OPCML: variants seen among roughly 807,000 people sequenced by gnomAD.
The protein encoded by OPCML is opioid-binding protein/cell adhesion molecule.
In OPCML, 13 loss-of-function variants were observed where a neutral mutation model predicts 37.8. That is an observed-to-expected ratio of 0.34 (90% CI 0.22 to 0.55). OPCML has a LOEUF of 0.55. Ranked by LOEUF, OPCML falls within the 20% of genes least tolerant of loss-of-function variation. The pLI is 0.91. For synonymous variants in OPCML, 176 were observed against 168.8 expected (o/e 1.04, Z -0.33); for missense variants, 341 against 435.6 (o/e 0.78, Z 1.93).
At chr11:132,968,434 C>T (rs975112680) in intron 1 of OPCML, among the ~76,000 whole-genome samples, 1 of 152,196 alleles carries the variant, frequency 6.6e-6, no homozygotes, top group African/African-American at 2.4e-5. Context: ...CCTGAGCATG[C>T]TCGCTTGGAT....
chr11:133,492,251 G>A lies in OPCML; in HGVS notation c.61+40013C>T, dbSNP rs191180867. Among the ~76,000 whole-genome samples, 711 of 152,286 alleles carry A rather than the reference G, an allele frequency of 4.7e-3. 5 individuals are homozygous for A. The highest frequency in any genetic ancestry group is 0.016 in the African/African-American group (661 of 41,560). Reference sequence around the variant, plus strand: ...CTAGGAATCAACCTGCCTCCCCACCGCACTGGGTCCTGCTTCTCTGGGAGA... The same window carrying A: ...CTAGGAATCAACCTGCCTCCCCACCACACTGGGTCCTGCTTCTCTGGGAGA... On this transcript the variant is annotated intron_variant, in intron 1 of 7. Coordinates refer to ENST00000524381, the MANE Select transcript of OPCML (RefSeq NM_001012393.5).
chr11:132,761,551 TAA>T (rs1946268087), intron 2 of OPCML, among the ~76,000 whole-genome samples: 1 of 152,134 alleles, frequency 6.6e-6, no homozygotes, highest in Non-Finnish European at 1.5e-5. Context: ...TTTATTTCAT[TAA>T]GTTGATCTTT....
intron 2 of OPCML, among the ~76,000 whole-genome samples, chr11:132,857,471 T>C (rs1565914931): frequency 6.6e-6 from 1 of 152,216 alleles, no homozygotes; most frequent in Non-Finnish European, 1.5e-5. Flanking sequence ...GTATCACTTG[T>C]TGAGTTTTGG....
chr11:132,633,753 G>C (rs1382701982), intron 3 of OPCML, among the ~76,000 whole-genome samples: 1 of 152,192 alleles, frequency 6.6e-6, no homozygotes. Context: ...AGGAGGGAAA[G>C]TAAGGGAGGG....
At chr11:132,463,256 A>G (rs1409562991) in intron 4 of OPCML, among the ~76,000 whole-genome samples, 1 of 152,202 alleles carries the variant, frequency 6.6e-6, no homozygotes, top group Non-Finnish European at 1.5e-5. Flanking sequence ...ACACTATCAC[A>G]TACTCACTGA....
intron 2 of OPCML, among the ~76,000 whole-genome samples, chr11:132,717,447 C>T (rs566828405): frequency 3.3e-5 from 5 of 151,982 alleles, no homozygotes; most frequent in African/African-American, 7.2e-5. Flanking sequence ...AAACAAGATA[C>T]GAAATAGTAT....
intron 1 of OPCML, among the ~76,000 whole-genome samples, chr11:133,027,781 T>G (rs370567000): frequency 1.0e-4 from 1 of 9,854 alleles, no homozygotes; most frequent in Non-Finnish European, 2.2e-4. Flanking sequence ...TGTGTGTATG[T>G]AGTATGTGGT....
At chr11:133,410,634 TAAAA>T (rs71038527) in intron 1 of OPCML, among the ~76,000 whole-genome samples, 18 of 47,000 alleles carry the variant, frequency 3.8e-4, no homozygotes, top group African/African-American at 1.0e-3. Context: ...AGAAAAAAAG[TAAAA>T]AAAAAAAAAA....
At chr11:133,050,338 C>G (rs1294892869) in intron 1 of OPCML, among the ~76,000 whole-genome samples, 1 of 152,116 alleles carries the variant, frequency 6.6e-6, no homozygotes, top group African/African-American at 2.4e-5. Context: ...CTGCTTGAAC[C>G]CTGGCAGAGA....
intron 2 of OPCML, among the ~76,000 whole-genome samples, chr11:132,706,657 C>T (rs1319248783): frequency 1.3e-5 from 2 of 152,248 alleles, no homozygotes; most frequent in South Asian, 2.1e-4. Flanking sequence ...CCCCCTACTA[C>T]ACCACGCCCC....
chr11:132,704,134 T>C (rs1273036192), intron 2 of OPCML, among the ~76,000 whole-genome samples: 1 of 152,154 alleles, frequency 6.6e-6, no homozygotes, highest in Non-Finnish European at 1.5e-5. Context: ...ACCTAGAGCC[T>C]GAGTCCACAG....
At chr11:132,926,087 C>T (rs1296371877) in intron 2 of OPCML, among the ~76,000 whole-genome samples, 1 of 152,208 alleles carries the variant, frequency 6.6e-6, no homozygotes, top group East Asian at 1.9e-4. Context: ...TCATCAGACA[C>T]GTGGTTCCTG....
intron 1 of OPCML, among the ~76,000 whole-genome samples, chr11:133,284,742 T>G (rs1406788415): frequency 6.6e-6 from 1 of 152,170 alleles, no homozygotes; most frequent in Non-Finnish European, 1.5e-5. Context: ...AGTCTCGGTT[T>G]TTAGCATTCA....
At chr11:133,293,894 T>TCAAA (rs1300037388) in intron 1 of OPCML, among the ~76,000 whole-genome samples, 246 of 4,484 alleles carry the variant, frequency 0.055, 2 homozygotes, top group Middle Eastern at 0.17. Flanking sequence ...AAAAAAGACT[T>TCAAA]CACACACACA....
chr11:133,064,476 A>C (rs1948405950), intron 1 of OPCML, among the ~76,000 whole-genome samples: 1 of 152,178 alleles, frequency 6.6e-6, no homozygotes, highest in Non-Finnish European at 1.5e-5. Flanking sequence ...CAAATGGGAG[A>C]AGGGACGGCC....
intron 4 of OPCML, among the ~76,000 whole-genome samples, chr11:132,465,552 T>C (rs960217214): frequency 6.6e-6 from 1 of 152,104 alleles, no homozygotes; most frequent in Non-Finnish European, 1.5e-5. Flanking sequence ...TACATTTTCT[T>C]ATATTATTTT....
Position 132,417,107 on chromosome 11 carries a change from T to C in OPCML, c.*3086A>G, listed in dbSNP as rs1174628335. 6 of 152,640 alleles carry C rather than the reference T, an allele frequency of 3.9e-5. No individual in the cohort carries two copies. Among genetic ancestry groups the C allele is most frequent in the Admixed American group, 3.9e-4 (6 of 15,292 alleles). 9.5% of individuals were successfully genotyped at this position (152,640 alleles called of 1,614,324 possible). A position where few individuals can be genotyped will look rare whatever the true frequency, so the allele number is the denominator to read the frequency against. On this transcript the variant is annotated 3_prime_UTR_variant, in exon 8 of 8. Coordinates refer to ENST00000524381, the MANE Select transcript of OPCML (RefSeq NM_001012393.5). Reference sequence around the variant, plus strand: ...TACTTGCTCAGACTTGTATGTTTTGTCCTGCCTTGCCCCCACCCCATGCCC... The same window carrying C: ...TACTTGCTCAGACTTGTATGTTTTGCCCTGCCTTGCCCCCACCCCATGCCC...
intron 3 of OPCML, among the ~76,000 whole-genome samples, chr11:132,655,332 G>C (rs1443645593): frequency 6.6e-6 from 1 of 152,204 alleles, no homozygotes; most frequent in Non-Finnish European, 1.5e-5. Flanking sequence ...GCAGGCAGGT[G>C]GGGTAGTGAG....
At chr11:132,837,521 G>A (rs975160382) in intron 2 of OPCML, among the ~76,000 whole-genome samples, 12 of 152,270 alleles carry the variant, frequency 7.9e-5, no homozygotes, top group South Asian at 2.1e-4. Flanking sequence ...GGGGGAAAAT[G>A]ATAGGACCTG....
Sources: allele counts gnomAD v4.1 joint callset (sites outside exome capture counted in the v4.1 genomes callset), GRCh38; gene constraint gnomAD v4.1.1; transcripts MANE v1.5; gene names NCBI Gene and HGNC (gene_info 2026-07-23, HGNC 2026-07-21).